The following UTRN variants were observed in gnomAD, a reference collection of about 807,000 sequenced individuals.
UTRN encodes utrophin, also known as dystrophin-related protein 1.
In UTRN, 283 loss-of-function variants were observed where a neutral mutation model predicts 463.9. The ratio of observed to expected loss-of-function variants is 0.61; its 90% CI spans 0.55 to 0.67. The LOEUF (loss-of-function observed/expected upper bound fraction) is 0.67. Ranked by LOEUF, UTRN falls within the 30% of genes least tolerant of loss-of-function variation. The pLI, the probability that UTRN is intolerant of heterozygous loss-of-function variation, is 0.00. For synonymous variants in UTRN, 1,442 were observed against 1,431.5 expected, an observed-to-expected ratio of 1.01 and a Z score of -0.17; for missense variants, 3,922 against 4,084.3, an observed-to-expected ratio of 0.96 and a Z score of 1.08.
intron 73 of UTRN, among the ~76,000 whole-genome samples, chr6:144,844,766 C>G (rs989944321): frequency 6.6e-6 from 1 of 152,194 alleles, no homozygotes; most frequent in African/African-American, 2.4e-5. Context: ...GAGAATTTAT[C>G]TAAACAAATC....
chr6:144,622,434 GCCTTGGCC>G (rs1402333748), intron 51 of UTRN, among the ~76,000 whole-genome samples: 1 of 152,022 alleles, frequency 6.6e-6, no homozygotes, highest in Non-Finnish European at 1.5e-5. Context: ...TGATCTGCCT[GCCTTGGCC>G]TCCTGAAGTG....
intron 53 of UTRN, among the ~76,000 whole-genome samples, chr6:144,721,093 T>C (rs1787098363): frequency 6.6e-6 from 1 of 152,236 alleles, no homozygotes; most frequent in South Asian, 2.1e-4. Flanking sequence ...GGACACAAGA[T>C]AATCATTGTG....
At chr6:144,769,737 G>A (rs1793792118) in intron 58 of UTRN, among the ~76,000 whole-genome samples, 1 of 152,168 alleles carries the variant, frequency 6.6e-6, no homozygotes, top group African/African-American at 2.4e-5. Flanking sequence ...ATGATGGGAT[G>A]TCTGTCTCTG....
intron 2 of UTRN, among the ~76,000 whole-genome samples, chr6:144,328,005 G>C (rs1351091892): frequency 1.3e-5 from 2 of 151,974 alleles, no homozygotes; most frequent in African/African-American, 4.8e-5. Flanking sequence ...AGTTAGATGG[G>C]GCTGAATTTC....
chr6:144,521,713 G>A (rs1356667548), intron 39 of UTRN, among the ~76,000 whole-genome samples: 1 of 152,000 alleles, frequency 6.6e-6, no homozygotes, highest in African/African-American at 2.4e-5. Context: ...TGCTAACTGA[G>A]TTTAGATGGC....
In UTRN at chr6:144,365,799, G is replaced by A. The variant is rs576978133; in HGVS notation, c.80-37324G>A. ...GTCACCCAGGCTGGAGTGCAGTGGC[G>A]TGATCTCGGCTCACTGCAACCTCCG... On this transcript the variant is annotated intron_variant, in intron 2 of 74. Transcript: ENST00000367545. Among the ~76,000 whole-genome samples, 221 of 152,256 alleles carry A rather than the reference G, an allele frequency of 1.5e-3. 1 individual carries two copies. Among genetic ancestry groups the A allele is most frequent in the Non-Finnish European group, 2.5e-3 (167 of 68,008 alleles).
chr6:144,680,457 G>A (rs567255544), intron 52 of UTRN, among the ~76,000 whole-genome samples: 2 of 152,234 alleles, frequency 1.3e-5, no homozygotes, highest in South Asian at 2.1e-4. Context: ...TTGCATTAAG[G>A]TAGATCAGAC....
At chr6:144,778,622 A>AATC (rs1041037591) in intron 60 of UTRN, among the ~76,000 whole-genome samples, 1 of 151,270 alleles carries the variant, frequency 6.6e-6, no homozygotes, top group African/African-American at 2.4e-5. Context: ...TAATAATAAT[A>AATC]ATAATAATAA....
At chr6:144,793,765 C>T in intron 62 of UTRN, 69 bp from the exon 63 acceptor site, 1 of 1,553,184 alleles carries the variant, frequency 6.4e-7, no homozygotes, top group Non-Finnish European at 8.7e-7. Context: ...GTCCACATTA[C>T]CAAAGATATA....
At chr6:144,635,682 G>A (rs1777101875) in intron 51 of UTRN, among the ~76,000 whole-genome samples, 1 of 151,214 alleles carries the variant, frequency 6.6e-6, no homozygotes, top group African/African-American at 2.4e-5. Flanking sequence ...TGGGACTATA[G>A]GTGCATGCCA....
intron 25 of UTRN, among the ~76,000 whole-genome samples, chr6:144,477,904 T>TATCC (rs1791416069): frequency 6.6e-6 from 1 of 151,758 alleles, no homozygotes; most frequent in Admixed American, 6.6e-5. Context: ...TCTATCTATC[T>TATCC]ATCTATCCAT....
At chr6:144,524,710 G>A (rs754939667) in intron 41 of UTRN, among the ~76,000 whole-genome samples, 16 of 152,032 alleles carry the variant, frequency 1.1e-4, no homozygotes, top group Non-Finnish European at 1.8e-4. Flanking sequence ...GCTCTGTCTA[G>A]GACTTCCGGT....
intron 60 of UTRN, among the ~76,000 whole-genome samples, chr6:144,776,235 T>C (rs925463751): frequency 1.3e-5 from 2 of 152,226 alleles, no homozygotes; most frequent in African/African-American, 2.4e-5. Context: ...TTACCTCTTT[T>C]GGAAACATTT....
intron 50 of UTRN, among the ~76,000 whole-genome samples, chr6:144,562,720 A>G (rs952154776): frequency 6.6e-6 from 1 of 152,202 alleles, no homozygotes; most frequent in Non-Finnish European, 1.5e-5. Context: ...GTATATACCC[A>G]GAAATGGGAT....
At chr6:144,521,826 G>T (rs779265548) in intron 39 of UTRN, among the ~76,000 whole-genome samples, 154 bp from the exon 40 acceptor site, 11 of 151,776 alleles carry the variant, frequency 7.2e-5, no homozygotes, top group Non-Finnish European at 1.2e-4. Context: ...CTGTTGCAAG[G>T]TAGGTTTATA....
At chr6:144,290,656 TGAGCTA>T (rs1562708222) in intron 1 of UTRN, among the ~76,000 whole-genome samples, 1 of 152,036 alleles carries the variant, frequency 6.6e-6, no homozygotes, top group African/African-American at 2.4e-5. Context: ...CATATACCCA[TGAGCTA>T]GGTTCCTTAA....
chr6:144,803,745 T>A (rs1777904370), intron 65 of UTRN, among the ~76,000 whole-genome samples: 1 of 152,036 alleles, frequency 6.6e-6, no homozygotes, highest in Admixed American at 6.6e-5. Context: ...TTATTTTCAA[T>A]TTTCTGATGT....
intron 66 of UTRN, among the ~76,000 whole-genome samples, chr6:144,825,148 C>T (rs1439717258): frequency 6.6e-6 from 1 of 152,050 alleles, no homozygotes; most frequent in South Asian, 2.1e-4. Flanking sequence ...GCTAGGATTA[C>T]AGGCACAAGC....
chr6:144,832,132 TC>T (rs1780723685), intron 69 of UTRN, among the ~76,000 whole-genome samples: 1 of 152,232 alleles, frequency 6.6e-6, no homozygotes, highest in Admixed American at 6.5e-5. Flanking sequence ...ATGTTTAATG[TC>T]CCTGATCTGG....
Sources: gnomAD v4.1 joint callset for allele counts (sites outside exome capture counted in the v4.1 genomes callset) on GRCh38, gnomAD v4.1.1 for gene constraint, MANE v1.5 for transcripts, NCBI Gene and HGNC (gene_info 2026-07-23, HGNC 2026-07-21) for gene names.